The following GNA14 variants were observed in gnomAD, a reference collection of about 807,000 sequenced individuals.
GNA14 encodes G protein subunit alpha 14.
Under a neutral mutation model 42.0 loss-of-function variants are expected in GNA14, and 50 were observed. The ratio of observed to expected loss-of-function variants is 1.19; its 90% CI spans 0.95 to 1.51. The LOEUF (loss-of-function observed/expected upper bound fraction) is 1.51, where lower values mean the gene tolerates loss of function less well. GNA14 is among the 40% of genes most tolerant of loss of function. The probability of loss-of-function intolerance (pLI) is 0.00; values close to 1 mark genes in which losing one functional copy is unlikely to be tolerated. For missense variants in GNA14, 473 were observed against 446.2 expected (o/e 1.06, Z -0.54); for synonymous variants, 173 against 163.1 (o/e 1.06, Z -0.46).
chr9:77,611,386 A>C (rs1176986381), intron 1 of GNA14, among the ~76,000 whole-genome samples: 1 of 152,158 alleles, frequency 6.6e-6, no homozygotes, highest in African/African-American at 2.4e-5. Context: ...ACAGGAGGGG[A>C]ACTCTGAACA....
At chr9:77,491,716 G>A (rs1043907768) in intron 2 of GNA14, among the ~76,000 whole-genome samples, 6 of 152,154 alleles carry the variant, frequency 3.9e-5, no homozygotes, top group African/African-American at 1.4e-4. Context: ...AATACTGGTA[G>A]CGTACTTCAA....
chr9:77,429,026 C>A lies in GNA14; in HGVS notation c.604G>T (p.Val202Phe). The A allele has an allele frequency of 6.2e-7, 1 of 1,614,094 alleles. No individual in the cohort carries two copies. Among genetic ancestry groups the A allele is most frequent in the South Asian group, 1.1e-5 (1 of 91,062 alleles). The change falls in exon 5 of 7, where the codon GTT (valine) becomes TTT (phenylalanine). Residue 202 changes from valine to phenylalanine, a missense_variant. Physicochemically the swap from Val to Phe is conservative, Grantham distance 50. Coordinates refer to ENST00000341700, the MANE Select transcript of GNA14 (RefSeq NM_004297.4). ...CGTCTTTCCGATCGTTGGCCACCAACATCCACCATCCTGTTGTGTAGAAAC... is the reference window on the plus strand; with the variant it reads ...CGTCTTTCCGATCGTTGGCCACCAAAATCCACCATCCTGTTGTGTAGAAAC... ...LENIIFRMVD[V>F]GGQRSERRKW...
At chr9:77,444,886 C>T (rs577868487) in intron 2 of GNA14, among the ~76,000 whole-genome samples, 356 of 152,338 alleles carry the variant, frequency 2.3e-3, no homozygotes, top group African/African-American at 7.8e-3. Context: ...CAGGCAGACT[C>T]GTTCACCACT....
In GNA14 at chr9:77,533,242, T is replaced by C. The variant is rs1328475869; in HGVS notation, c.125-3989A>G. Among the ~76,000 whole-genome samples the C allele has an allele frequency of 3.3e-5, 5 of 152,322 alleles. No individual in the cohort carries two copies. In the East Asian group the frequency reaches 9.7e-4, roughly 29 times the overall value. ...CTCAGACTGGAGTGCAGTGACATGA[T>C]CTCAGCTCACTGCATGTAACCTCCG... On this transcript the variant is annotated intron_variant, in intron 1 of 6. Coordinates refer to ENST00000341700, the MANE Select transcript of GNA14 (RefSeq NM_004297.4).
chr9:77,469,534 C>CAAA (rs11406003), intron 2 of GNA14, among the ~76,000 whole-genome samples: 1 of 144,886 alleles, frequency 6.9e-6, no homozygotes. Context: ...GACTGACAAC[C>CAAA]AAAAAAAAAA....
At chr9:77,495,208 C>T (rs1011837321) in intron 2 of GNA14, among the ~76,000 whole-genome samples, 3 of 152,036 alleles carry the variant, frequency 2.0e-5, no homozygotes, top group African/African-American at 7.3e-5. Context: ...AGATGCCAGG[C>T]TGCTACACAG....
intron 4 of GNA14, among the ~76,000 whole-genome samples, chr9:77,431,021 C>T (rs966396037): frequency 5.6e-5 from 2 of 35,590 alleles, no homozygotes; most frequent in East Asian, 2.8e-3. Flanking sequence ...CAGAAGTATA[C>T]ATTTGTGTGT....
intron 2 of GNA14, among the ~76,000 whole-genome samples, chr9:77,457,281 G>C (rs1212439754): frequency 1.3e-5 from 2 of 152,236 alleles, no homozygotes; most frequent in African/African-American, 4.8e-5. Flanking sequence ...GCGCATCTTT[G>C]CTGCAACTTT....
chr9:77,429,393 C>T (rs1028881171), intron 4 of GNA14, among the ~76,000 whole-genome samples: 8 of 152,132 alleles, frequency 5.3e-5, no homozygotes, highest in South Asian at 2.1e-4. Context: ...TCAAGAGGGA[C>T]GCAGCGGCCA....
At position 77,431,360 on chromosome 9, in the gene GNA14, A is replaced by G; in HGVS notation, c.554T>C (p.Ile185Thr). ...VLRVRVPTTG[I>T]IEYPFDLENI... ...TTCCAAGTCAAATGGATACTCAATGATGCCGGTGGTGGGCACTCGGACGCG... is the reference window on the plus strand; with the variant it reads ...TTCCAAGTCAAATGGATACTCAATGGTGCCGGTGGTGGGCACTCGGACGCG... The change falls in exon 4 of 7, where the codon ATC becomes ACC. Residue 185 changes from isoleucine (I) to threonine (T), a missense_variant. Coordinates refer to ENST00000341700, the MANE Select transcript of GNA14 (RefSeq NM_004297.4). 4 of 1,613,916 alleles carry G rather than the reference A, an allele frequency of 2.5e-6. No individual in the cohort carries two copies. Among genetic ancestry groups the G allele is most frequent in the Non-Finnish European group, 8.5e-7 (1 of 1,179,842 alleles).
intron 2 of GNA14, among the ~76,000 whole-genome samples, chr9:77,480,580 G>A (rs369324223): frequency 1.8e-3 from 279 of 152,260 alleles, no homozygotes; most frequent in African/African-American, 6.4e-3. Context: ...GTTAGGGAGG[G>A]TTCCCTCTTT....
At chr9:77,522,763 C>T (rs1205689932) in intron 2 of GNA14, among the ~76,000 whole-genome samples, 2 of 152,140 alleles carry the variant, frequency 1.3e-5, no homozygotes, top group Non-Finnish European at 2.9e-5. Flanking sequence ...GTAGCAGCCC[C>T]ACAGGTGATT....
At chr9:77,520,900 T>C (rs908845170) in intron 2 of GNA14, among the ~76,000 whole-genome samples, 1 of 152,228 alleles carries the variant, frequency 6.6e-6, no homozygotes, top group African/African-American at 2.4e-5. Context: ...AAATCAATGT[T>C]ATTACTCATC....
At chr9:77,526,262 T>C (rs1307690080) in intron 2 of GNA14, among the ~76,000 whole-genome samples, 1 of 151,488 alleles carries the variant, frequency 6.6e-6, no homozygotes, top group Admixed American at 6.6e-5. Context: ...GGTCTTAGAG[T>C]TGATGCTGGA....
At chr9:77,456,998 G>C (rs1836011330) in intron 2 of GNA14, among the ~76,000 whole-genome samples, 1 of 152,200 alleles carries the variant, frequency 6.6e-6, no homozygotes, top group African/African-American at 2.4e-5. Context: ...TGACTCACTA[G>C]GATTCACTGT....
rs571889378 is a variant in GNA14, at chr9:77,464,232, C to A, written c.310-29710G>T. 4.5e-4 allele frequency among the ~76,000 whole-genome samples: 68 copies of A among 152,230 alleles called. 1 individual carries two copies. The highest frequency in any genetic ancestry group is 2.4e-3 in the Admixed American group (37 of 15,294). On this transcript the variant is annotated intron_variant, in intron 2 of 6. Coordinates refer to ENST00000341700, the MANE Select transcript of GNA14 (RefSeq NM_004297.4). Reference sequence around the variant, plus strand: ...TCCAAGCTGGTCTTGAACTCCTGGCCTCAGGCAATCCACCCACCTCAGGCT... The same window carrying A: ...TCCAAGCTGGTCTTGAACTCCTGGCATCAGGCAATCCACCCACCTCAGGCT...
At chr9:77,438,574 T>G (rs549096624) in intron 2 of GNA14, among the ~76,000 whole-genome samples, 2 of 152,194 alleles carry the variant, frequency 1.3e-5, no homozygotes, top group African/African-American at 2.4e-5. Flanking sequence ...AGCCGATTTT[T>G]TTTTTTAAAA....
chr9:77,473,616 T>C (rs1836369619), intron 2 of GNA14, among the ~76,000 whole-genome samples: 1 of 150,890 alleles, frequency 6.6e-6, no homozygotes, highest in Non-Finnish European at 1.5e-5. Context: ...CCTGGATTTT[T>C]TTTTTTTTTT....
chr9:77,468,207 T>C (rs1272394604), intron 2 of GNA14, among the ~76,000 whole-genome samples: 4 of 152,218 alleles, frequency 2.6e-5, no homozygotes. Flanking sequence ...GAGTCATGGC[T>C]CAAATGCTAC....
Sources: gnomAD v4.1 joint callset for allele counts (sites outside exome capture counted in the v4.1 genomes callset) on GRCh38, gnomAD v4.1.1 for gene constraint, MANE v1.5 for transcripts, NCBI Gene and HGNC (gene_info 2026-07-23, HGNC 2026-07-21) for gene names.